The following MROH9 variants were observed in gnomAD, a reference collection of about 807,000 sequenced individuals.
MROH9 encodes the protein maestro heat like repeat family member 9.
In MROH9, 92 loss-of-function variants were observed where a neutral mutation model predicts 98.2. That is an observed-to-expected ratio of 0.94 (90% CI 0.79 to 1.11). The LOEUF (loss-of-function observed/expected upper bound fraction) is 1.11. MROH9 is among the 50% of genes most tolerant of loss of function. The probability of loss-of-function intolerance (pLI) is 0.00; values close to 1 mark genes in which losing one functional copy is unlikely to be tolerated. For missense variants in MROH9, 1,057 were observed against 1,014.8 expected, an observed-to-expected ratio of 1.04 and a Z score of -0.57; for synonymous variants, 397 against 368.9, an observed-to-expected ratio of 1.08 and a Z score of -0.87.
chr1:171,025,753 A>C (rs537685169), intron 20 of MROH9, among the ~76,000 whole-genome samples: 1 of 152,304 alleles, frequency 6.6e-6, no homozygotes, highest in Non-Finnish European at 1.5e-5. Flanking sequence ...ATATATAAAA[A>C]CATCATCTTC....
In MROH9 at chr1:170,959,472, C is replaced by A; in HGVS notation, c.163C>A (p.Pro55Thr). Reference protein sequence around the residue: ...ILAVNSSFVDPLLQFESQLKI... With the variant: ...ILAVNSSFVDTLLQFESQLKI... ...CCTTTTTCTTGTCAGCTTTGTGGATCCCTTACTGCAGTTTGAATCTCAGTT... is the reference window on the plus strand; with the variant it reads ...CCTTTTTCTTGTCAGCTTTGTGGATACCTTACTGCAGTTTGAATCTCAGTT... The change falls in exon 5 of 22, where the codon CCC becomes ACC. Residue 55 changes from proline to threonine, a missense_variant. By Grantham distance (38) the Pro-to-Thr change is conservative (BLOSUM62 -1). Transcript: ENST00000367759. 1.2e-6 allele frequency: 2 copies of A among 1,600,082 alleles called. No homozygotes were observed. Among genetic ancestry groups the A allele is most frequent in the Non-Finnish European group, 1.7e-6 (2 of 1,174,364 alleles).
chr1:170,969,850 A>G (rs34067277), intron 7 of MROH9, among the ~76,000 whole-genome samples: 1,613 of 152,262 alleles, frequency 0.011, 14 homozygotes, highest in Non-Finnish European at 0.014. Context: ...GGCAGGATAT[A>G]TCATACCGAA....
chr1:170,949,243 C>T (rs1649456111), intron 3 of MROH9, among the ~76,000 whole-genome samples: 1 of 152,018 alleles, frequency 6.6e-6, no homozygotes, highest in South Asian at 2.1e-4. Context: ...TATCTAAAAG[C>T]TCTCAGCTGC....
intron 20 of MROH9, among the ~76,000 whole-genome samples, chr1:171,057,669 G>A (rs1653888539): frequency 6.6e-6 from 1 of 152,114 alleles, no homozygotes; most frequent in Admixed American, 6.5e-5. Flanking sequence ...ATAATCATCA[G>A]ATTCTCCAAG....
chr1:171,003,183 C>T (rs1651840484), intron 15 of MROH9, among the ~76,000 whole-genome samples: 1 of 152,080 alleles, frequency 6.6e-6, no homozygotes, highest in Non-Finnish European at 1.5e-5. Context: ...TTGGGCTTTG[C>T]CTTTCTCTTG....
At chr1:171,049,659 C>T (rs1051085692) in intron 20 of MROH9, among the ~76,000 whole-genome samples, 3 of 151,876 alleles carry the variant, frequency 2.0e-5, no homozygotes, top group African/African-American at 7.3e-5. Flanking sequence ...TGTTCTTTAC[C>T]CACTTTTTAA....
chr1:170,986,802 A>G, intron 10 of MROH9, 92 bp downstream of exon 10: 1 of 1,324,158 alleles, frequency 7.6e-7, no homozygotes. Context: ...TTTTATATGT[A>G]TTTCTTGTCA....
At chr1:171,056,079 T>A (rs1426265752) in intron 20 of MROH9, among the ~76,000 whole-genome samples, 3 of 152,150 alleles carry the variant, frequency 2.0e-5, no homozygotes, top group Non-Finnish European at 2.9e-5. Context: ...TGCAGATTCT[T>A]AATAGCCTCT....
Position 170,996,727 on chromosome 1 carries a change from GAT to G in MROH9, c.1475+85_1475+86del. On this transcript the variant is annotated intron_variant, in intron 14 of 21. Coordinates refer to ENST00000367759, the MANE Select transcript of MROH9 (RefSeq NM_001163629.2). ...CCTTCAATAAGCCATGCGGGAACAA[GAT>G]AGGCATCTATTCCAATTTCCAAATC... The G allele has an allele frequency of 2.2e-6, 3 of 1,334,126 alleles. No homozygotes were observed. In the South Asian group the frequency reaches 4.4e-5, roughly 19 times the overall value. 82.6% of individuals were successfully genotyped at this position (1,334,126 alleles called of 1,614,324 possible). A position where few individuals can be genotyped will look rare whatever the true frequency, so the allele number is the denominator to read the frequency against.
chr1:171,031,457 G>A (rs540496498), intron 20 of MROH9, among the ~76,000 whole-genome samples: 1 of 152,246 alleles, frequency 6.6e-6, no homozygotes, highest in Non-Finnish European at 1.5e-5. Flanking sequence ...TCTCTCAGGA[G>A]CTCTTGCAAT....
rs1199063303 is a variant in MROH9 at position 170,970,731 on chromosome 1, T to TGAGA, written c.481-982_481-979dup. On this transcript the variant is annotated intron_variant, in intron 7 of 21. Transcript: ENST00000367759. ...GTGTGTGTGTGTGTGTGTGTGTGTG[T>TGAGA]GAGAGAGAGAGAGAGAGAGAGAGAG... Among the ~76,000 whole-genome samples, 685 of 90,802 alleles carry TGAGA rather than the reference T, an allele frequency of 7.5e-3. 10 individuals are homozygous for TGAGA. Among genetic ancestry groups the TGAGA allele is most frequent in the African/African-American group, 0.016 (370 of 23,130 alleles). 59.6% of individuals were successfully genotyped at this position (90,802 alleles called of 152,430 possible).
intron 17 of MROH9, among the ~76,000 whole-genome samples, chr1:171,018,078 C>T (rs1652388963): frequency 6.6e-6 from 1 of 152,116 alleles, no homozygotes; most frequent in African/African-American, 2.4e-5. Flanking sequence ...TCCTGCTCCC[C>T]ATAAAACCCA....
chr1:171,000,589 C>G (rs113111013), intron 15 of MROH9, among the ~76,000 whole-genome samples: 3,053 of 152,084 alleles, frequency 0.02, 130 homozygotes, highest in African/African-American at 0.071. Context: ...GGTATGAAAC[C>G]CACTTGATCA....
chr1:171,058,090 A>C (rs1653902481), intron 20 of MROH9, among the ~76,000 whole-genome samples: 1 of 152,192 alleles, frequency 6.6e-6, no homozygotes, highest in Non-Finnish European at 1.5e-5. Context: ...TTTAGAAAGC[A>C]ACATCACCTC....
chr1:171,049,370 A>AGTGAGGGAGAACACAGCAGTT (rs1048865496), intron 20 of MROH9, among the ~76,000 whole-genome samples: 1 of 152,138 alleles, frequency 6.6e-6, no homozygotes, highest in East Asian at 1.9e-4. Flanking sequence ...CTGGGTGCCG[A>AGTGAGGGAGAACACAGCAGTT]GTGAGGGAGA....
chr1:170,942,513 T>C (rs891542166), intron 1 of MROH9, among the ~76,000 whole-genome samples: 1 of 152,114 alleles, frequency 6.6e-6, no homozygotes, highest in Admixed American at 6.6e-5. Flanking sequence ...AAGAAACTTT[T>C]GCTAAAGCAA....
At chr1:170,978,772 T>C (rs1650813753) in intron 8 of MROH9, among the ~76,000 whole-genome samples, 1 of 152,126 alleles carries the variant, frequency 6.6e-6, no homozygotes, top group Admixed American at 6.5e-5. Flanking sequence ...GGAGAAGGAC[T>C]GAGACCTGTG....
In MROH9 at chr1:170,996,470, C is replaced by T. The variant is rs199803364; in HGVS notation, c.1338-37C>T. 1.9e-3 allele frequency: 3,015 copies of T among 1,604,572 alleles called. 9 individuals are homozygous for T. Among genetic ancestry groups the T allele is most frequent in the Non-Finnish European group, 2.4e-3 (2,776 of 1,175,068 alleles). ...GTGTATTTAGTTTTTTGAATATCACCGGCATGTGATGACTTTGCTCTCTTT... is the reference window on the plus strand; with the variant it reads ...GTGTATTTAGTTTTTTGAATATCACTGGCATGTGATGACTTTGCTCTCTTT... On this transcript the variant is annotated intron_variant, in intron 13 of 21. Coordinates refer to ENST00000367759, the MANE Select transcript of MROH9 (RefSeq NM_001163629.2).
intron 17 of MROH9, among the ~76,000 whole-genome samples, chr1:171,017,297 G>C (rs894015866): frequency 1.3e-5 from 2 of 152,220 alleles, no homozygotes; most frequent in South Asian, 4.1e-4. Flanking sequence ...CCCATGGAGA[G>C]GAAGGCAGAG....
Sources: gnomAD v4.1 joint callset for allele counts (sites outside exome capture counted in the v4.1 genomes callset) on GRCh38, gnomAD v4.1.1 for gene constraint, MANE v1.5 for transcripts, NCBI Gene and HGNC (gene_info 2026-07-23, HGNC 2026-07-21) for gene names.